Variants in PLEKHG5 observed in about 807,000 individuals in gnomAD.
PLEKHG5 encodes pleckstrin homology and RhoGEF domain containing G5.
A neutral mutation model predicts 103.8 loss-of-function variants in PLEKHG5; 52 were observed. The observed-to-expected ratio is 0.50, with a 90% CI of 0.40 to 0.63. The LOEUF (loss-of-function observed/expected upper bound fraction) is 0.63, where lower values mean the gene tolerates loss of function less well. PLEKHG5 is among the 30% of genes least tolerant of loss of function. The pLI is 0.00. For missense variants in PLEKHG5, 1,205 were observed against 1,347.6 expected (o/e 0.89, Z 1.66); for synonymous variants, 592 against 575.5 (o/e 1.03, Z -0.41).
chr1:6,497,199 C>T (rs891496496), upstream of PLEKHG5: 3 of 863,292 alleles, frequency 3.5e-6, no homozygotes, highest in East Asian at 2.7e-5. The surrounding 1 kb of genome is among the most constrained non-coding windows in gnomAD (Gnocchi z 6.1). Context: ...GTACGAGCGG[C>T]CCGAAGCCCG....
At position 6,491,020 on chromosome 1, in the gene PLEKHG5, T is replaced by C. The variant is rs1172390802; in HGVS notation, c.-88+617A>G. The stretch of plus-strand genomic sequence containing the variant: ...CTGAGCCAGGTTCGCTTCCGCTCTA[T>C]TGTAAAAAGCTGGATTCTGATCTGC... On this transcript the variant is annotated intron_variant, in intron 1 of 20. Coordinates refer to ENST00000377728, the MANE Select transcript of PLEKHG5 (RefSeq NM_020631.6). The surrounding 1 kb of genome is among the most constrained non-coding windows in gnomAD (Gnocchi z 4.1). 1.3e-5 allele frequency among the ~76,000 whole-genome samples: 2 copies of C among 151,756 alleles called. No homozygotes were observed. Among genetic ancestry groups the C allele is most frequent in the Non-Finnish European group, 2.9e-5 (2 of 67,974 alleles).
rs773219746 is a variant in PLEKHG5, at chr1:6,470,813, G to A, written c.1464C>T (p.Leu488=). 6.3e-7 allele frequency: 1 copy of A among 1,577,498 alleles called. No individual in the cohort carries two copies. Among genetic ancestry groups the A allele is most frequent in the African/African-American group, 1.3e-5 (1 of 74,432 alleles). Residue 488 remains leucine, a synonymous_variant, in exon 14 of 21, where the codon CTC becomes CTT. Transcript: ENST00000377728. ...SDMLAKPHQR[L]TKYPLLLKSV... Reference sequence around the variant, plus strand: ...ACTTGAGCAGCAGCGGGTACTTGGTGAGCCGCTGGTGGGGTTTGGCCAGCA... The same window carrying A: ...ACTTGAGCAGCAGCGGGTACTTGGTAAGCCGCTGGTGGGGTTTGGCCAGCA...
upstream of PLEKHG5, among the ~76,000 whole-genome samples, chr1:6,497,625 G>T (rs1217288999): frequency 6.6e-6 from 1 of 152,088 alleles, no homozygotes; most frequent in African/African-American, 2.4e-5. The surrounding 1 kb of genome is among the most constrained non-coding windows in gnomAD (Gnocchi z 6.1). Flanking sequence ...CTCAGGAAGC[G>T]CGCACGGCTC....
intron 12 of PLEKHG5, 151 bp downstream of exon 12, chr1:6,471,337 G>T: frequency 1.0e-6 from 1 of 964,382 alleles, no homozygotes; most frequent in South Asian, 1.6e-5. Context: ...CGACCGCCTC[G>T]TAATTCCTCA....
Position 6,484,006 on chromosome 1 carries a change from C to T in PLEKHG5, c.-87-6348G>A, listed in dbSNP as rs180958628. On this transcript the variant is annotated intron_variant, in intron 1 of 20. Coordinates refer to ENST00000377728, the MANE Select transcript of PLEKHG5 (RefSeq NM_020631.6). The stretch of plus-strand genomic sequence containing the variant: ...GGCAGACCTGCCCATGACCCAAGCC[C>T]TGGTCTCACCGCAGGTAGGGGGTGA... 2.4e-4 allele frequency among the ~76,000 whole-genome samples: 37 copies of T among 152,346 alleles called. 1 individual carries two copies. The South Asian group carries it at 3.3e-3, about 14-fold the overall frequency.
At chr1:6,509,934 G>A (rs973354185) in intron 1 of PLEKHG5, among the ~76,000 whole-genome samples, 7 of 152,236 alleles carry the variant, frequency 4.6e-5, no homozygotes, top group South Asian at 2.1e-4. Flanking sequence ...GTTCCTCCCC[G>A]TCCCCAGGCA....
chr1:6,495,931 C>G (rs1284964074), upstream of PLEKHG5, among the ~76,000 whole-genome samples: 1 of 152,254 alleles, frequency 6.6e-6, no homozygotes. Flanking sequence ...TACTATTATC[C>G]TCCTTCCTGC....
chr1:6,502,209 C>T (rs759940980), intron 1 of PLEKHG5, among the ~76,000 whole-genome samples: 6 of 152,268 alleles, frequency 3.9e-5, no homozygotes, highest in South Asian at 4.1e-4. Flanking sequence ...CCAGGACATC[C>T]GCCACTCCCT....
rs759314103 is a variant in PLEKHG5, at chr1:6,470,923, C to T, written c.1393-39G>A. 1.3e-6 allele frequency: 2 copies of T among 1,549,212 alleles called. 1 individual carries two copies. The highest frequency in any genetic ancestry group is 2.4e-5 in the South Asian group (2 of 84,638). On this transcript the variant is annotated intron_variant, in intron 13 of 20. Transcript: ENST00000377728. Reference sequence around the variant, plus strand: ...GTGGGGGCGGGCTCAGGGCAGGCCCCGCCCCACCCGGCCCCGTCCAGGGTC... The same window carrying T: ...GTGGGGGCGGGCTCAGGGCAGGCCCTGCCCCACCCGGCCCCGTCCAGGGTC...
rs1569887443 is a variant in PLEKHG5 at position 6,475,597 on chromosome 1, G to A, written c.150-75C>T. ...CAGCGTGGGCGGCGAGTGGGCCTGT[G>A]GCCTCCCCGCCCTTGGCTCACCCCA... On this transcript the variant is annotated intron_variant, in intron 3 of 20. Coordinates refer to ENST00000377728, the MANE Select transcript of PLEKHG5 (RefSeq NM_020631.6). 3 of 1,284,196 alleles carry A rather than the reference G, an allele frequency of 2.3e-6. 1 individual carries two copies. The East Asian group carries it at 6.9e-5, about 30-fold the overall frequency. 79.6% of individuals were successfully genotyped at this position (1,284,196 alleles called of 1,614,324 possible). A position where few individuals can be genotyped will look rare whatever the true frequency, so the allele number is the denominator to read the frequency against.
At chr1:6,506,477 C>T (rs1232186863) in intron 1 of PLEKHG5, among the ~76,000 whole-genome samples, 2 of 152,254 alleles carry the variant, frequency 1.3e-5, no homozygotes, top group Non-Finnish European at 1.5e-5. Context: ...ACGACAGAGG[C>T]CCGGAAAAGA....
In PLEKHG5 at chr1:6,468,141, T is replaced by C; in HGVS notation, c.2695A>G (p.Ser899Gly). ...AGTHGTPSAP[S>G]RSLSELCLAV... ...AGGCAGAGCTCTGACAGGCTGCGGC[T>C]GGGGGCAGAGGGTGTCCCATGGGTG... is the stretch of plus-strand genomic sequence containing the variant. The change falls in exon 20 of 21, where the codon AGC becomes GGC. Residue 899 changes from serine (S) to glycine (G), a missense_variant. Transcript: ENST00000377728. 1.3e-6 allele frequency: 2 copies of C among 1,571,150 alleles called. No individual in the cohort carries two copies. Among genetic ancestry groups the C allele is most frequent in the Non-Finnish European group, 1.7e-6 (2 of 1,158,064 alleles).
chr1:6,500,539 A>G (rs1478402886), upstream of PLEKHG5, among the ~76,000 whole-genome samples: 1 of 147,772 alleles, frequency 6.8e-6, no homozygotes, highest in Non-Finnish European at 1.5e-5. Flanking sequence ...CGCTAAGCAA[A>G]CCTGGAACCC....
At chr1:6,496,661 TCTC>T, upstream of PLEKHG5, 1 of 847,342 alleles carries the variant, frequency 1.2e-6, no homozygotes, top group Admixed American at 3.2e-5. Flanking sequence ...GGTGGGGTGA[TCTC>T]CTCAGTCCTC....
chr1:6,494,337 G>A (rs1467121666), upstream of PLEKHG5, among the ~76,000 whole-genome samples: 8 of 149,566 alleles, frequency 5.3e-5, no homozygotes, highest in South Asian at 1.7e-3. Context: ...CGCCATGTTG[G>A]CCAGGCTGGT....
intron 1 of PLEKHG5, chr1:6,506,056 A>G (rs956359538): frequency 1.3e-5 from 2 of 152,498 alleles, no homozygotes; most frequent in African/African-American, 4.8e-5. Flanking sequence ...TCCAGGGTGG[A>G]GCTCCACGAG....
intron 1 of PLEKHG5, among the ~76,000 whole-genome samples, chr1:6,506,504 G>T (rs1638326888): frequency 1.3e-5 from 2 of 152,230 alleles, no homozygotes; most frequent in African/African-American, 4.8e-5. Context: ...TTGTTTCGTG[G>T]TCTCTTTGCT....
In PLEKHG5 at chr1:6,470,648, G is replaced by A. The variant is rs1281567980; in HGVS notation, c.1543-5C>T. 2 of 1,564,800 alleles carry A rather than the reference G, an allele frequency of 1.3e-6. No homozygotes were observed. Among genetic ancestry groups the A allele is most frequent in the Non-Finnish European group, 1.7e-6 (2 of 1,160,478 alleles). On this transcript the variant is annotated splice_region_variant and splice_polypyrimidine_tract_variant and intron_variant, in intron 14 of 20. Transcript: ENST00000377728. Reference sequence around the variant, plus strand: ...GAAGCGCTCCACGGAGCCGATCTAGGGGCAGGTGAGGGAGCTTCAGGTCCA... The same window carrying A: ...GAAGCGCTCCACGGAGCCGATCTAGAGGCAGGTGAGGGAGCTTCAGGTCCA...
At chr1:6,475,295 C>T (rs568116415) in intron 4 of PLEKHG5, among the ~76,000 whole-genome samples, 157 bp from the exon 5 acceptor site, 4 of 145,986 alleles carry the variant, frequency 2.7e-5, no homozygotes, top group Non-Finnish European at 4.5e-5. Context: ...CCCCACCCTC[C>T]GGTCTCGGAT....
Sources: allele counts gnomAD v4.1 joint callset (sites outside exome capture counted in the v4.1 genomes callset), GRCh38; gene constraint gnomAD v4.1.1; non-coding constraint Gnocchi (gnomAD v3.1); transcripts MANE v1.5; gene names NCBI Gene and HGNC (gene_info 2026-07-23, HGNC 2026-07-21).